Variants in NRF1 observed in about 807,000 individuals in gnomAD.
NRF1 encodes nuclear respiratory factor 1.
NRF1 carries 5 observed loss-of-function variants against 58.5 expected under a neutral mutation model. The observed-to-expected ratio is 0.09, with a 90% CI of 0.04 to 0.18. NRF1 has a LOEUF of 0.18. Ranked by LOEUF, NRF1 falls within the 10% of genes least tolerant of loss-of-function variation. The pLI, the probability that NRF1 is intolerant of heterozygous loss-of-function variation, is 1.00. For synonymous variants in NRF1, 224 were observed against 246.7 expected, an observed-to-expected ratio of 0.91 and a Z score of 0.86; for missense variants, 288 against 657.7, an observed-to-expected ratio of 0.44 and a Z score of 6.15.
chr7:129,626,064 C>T (rs953194755), intron 1 of NRF1, among the ~76,000 whole-genome samples: 3 of 152,158 alleles, frequency 2.0e-5, no homozygotes, highest in African/African-American at 7.2e-5. Context: ...AAGTGATCCT[C>T]CCACCTTGGC....
chr7:129,697,842 C>T (rs1802734752), intron 5 of NRF1, among the ~76,000 whole-genome samples: 2 of 152,098 alleles, frequency 1.3e-5, no homozygotes, highest in Admixed American at 6.5e-5. Context: ...TCAAGCGATT[C>T]TCCTGCCTCA....
intron 1 of NRF1, among the ~76,000 whole-genome samples, chr7:129,635,807 T>A (rs1801158464): frequency 6.6e-6 from 1 of 152,154 alleles, no homozygotes. Context: ...ACTCTGTCTA[T>A]ACACCCCGTT....
intron 5 of NRF1, among the ~76,000 whole-genome samples, chr7:129,704,606 T>G (rs1802908084): frequency 6.6e-6 from 1 of 152,218 alleles, no homozygotes; most frequent in Admixed American, 6.5e-5. Flanking sequence ...TTTGGATTTT[T>G]TTAACATTTG....
chr7:129,665,647 A>G (rs764203932), intron 2 of NRF1, among the ~76,000 whole-genome samples: 58 of 152,254 alleles, frequency 3.8e-4, no homozygotes, highest in Non-Finnish European at 7.4e-4. Context: ...TTTTTGAGAC[A>G]GGGTTTCACT....
chr7:129,717,503 C>T (rs1180133336), intron 9 of NRF1, 127 bp downstream of exon 9: 1 of 1,024,650 alleles, frequency 9.8e-7, no homozygotes, highest in African/African-American at 1.6e-5. Context: ...ACACTCTTGG[C>T]CCATACGATA....
At chr7:129,686,238 T>TTGTA (rs1802441746) in intron 4 of NRF1, among the ~76,000 whole-genome samples, 1 of 151,716 alleles carries the variant, frequency 6.6e-6, no homozygotes, top group South Asian at 2.1e-4. Flanking sequence ...TCCATGGAGG[T>TTGTA]TGTATGCTGG....
chr7:129,754,770 A>G (rs1226340560), intron 10 of NRF1, among the ~76,000 whole-genome samples: 1 of 152,184 alleles, frequency 6.6e-6, no homozygotes, highest in Admixed American at 6.5e-5. Context: ...GTATACATGC[A>G]TTGAAACATC....
At chr7:129,655,337 TATTG>T (rs1801627206) in intron 1 of NRF1, among the ~76,000 whole-genome samples, 1 of 152,206 alleles carries the variant, frequency 6.6e-6, no homozygotes, top group Non-Finnish European at 1.5e-5. Context: ...GAGTTTTTTT[TATTG>T]ATTATTTTGG....
At chr7:129,655,982 C>T (rs1453129123) in intron 1 of NRF1, among the ~76,000 whole-genome samples, 2 of 152,172 alleles carry the variant, frequency 1.3e-5, no homozygotes, top group Non-Finnish European at 2.9e-5. Context: ...GTGTATACCA[C>T]ATTTTTTTTA....
intron 10 of NRF1, among the ~76,000 whole-genome samples, chr7:129,731,392 G>A (rs1264641567): frequency 2.0e-5 from 3 of 151,990 alleles, no homozygotes; most frequent in African/African-American, 7.2e-5. Flanking sequence ...CTTCTTTCTG[G>A]ACATGTACCC....
intron 10 of NRF1, among the ~76,000 whole-genome samples, chr7:129,736,035 AAAT>A (rs1249919121): frequency 6.6e-6 from 1 of 152,102 alleles, no homozygotes; most frequent in African/African-American, 2.4e-5. Flanking sequence ...CAAAATAAAA[AAAT>A]AAAATTATAA....
chr7:129,673,720 A>G (rs1223033914), intron 3 of NRF1, among the ~76,000 whole-genome samples: 1 of 151,292 alleles, frequency 6.6e-6, no homozygotes, highest in African/African-American at 2.4e-5. Context: ...CCGTCTCAAA[A>G]AAAAAAAAAA....
At chr7:129,665,611 TTTGTTG>T (rs576727046) in intron 2 of NRF1, among the ~76,000 whole-genome samples, 4 of 151,908 alleles carry the variant, frequency 2.6e-5, no homozygotes, top group Non-Finnish European at 5.9e-5. Flanking sequence ...CAGTATGTTG[TTTGTTG>T]TTGTTGTTGT....
At chr7:129,724,259 A>G (rs1803399181) in intron 9 of NRF1, among the ~76,000 whole-genome samples, 1 of 152,228 alleles carries the variant, frequency 6.6e-6, no homozygotes, top group Admixed American at 6.5e-5. Context: ...AAATTTCTCC[A>G]GAGAAGATAT....
At chr7:129,680,945 T>C (rs1482688624) in intron 4 of NRF1, among the ~76,000 whole-genome samples, 1 of 152,182 alleles carries the variant, frequency 6.6e-6, no homozygotes, top group East Asian at 1.9e-4. Context: ...ACAAACTAAA[T>C]AATGACCCCC....
intron 10 of NRF1, among the ~76,000 whole-genome samples, chr7:129,736,422 A>G (rs1185757864): frequency 6.6e-6 from 1 of 151,480 alleles, no homozygotes; most frequent in Non-Finnish European, 1.5e-5. Flanking sequence ...AGCCCAGCTA[A>G]TTTTTTAAAT....
intron 10 of NRF1, among the ~76,000 whole-genome samples, chr7:129,728,198 G>T (rs1392624377): frequency 6.6e-6 from 1 of 152,098 alleles, no homozygotes; most frequent in South Asian, 2.1e-4. Context: ...AATACTCCAT[G>T]GCTTTGGGGA....
intron 1 of NRF1, among the ~76,000 whole-genome samples, chr7:129,647,445 C>T (rs2151070832): frequency 6.7e-6 from 1 of 150,124 alleles, no homozygotes; most frequent in Middle Eastern, 3.4e-3. Context: ...CTGTGTTGCC[C>T]AGGCTGGAGT....
At chr7:129,744,074 T>C (rs1476336516) in intron 10 of NRF1, 1 of 1,079,104 alleles carries the variant, frequency 9.3e-7, no homozygotes, top group African/African-American at 1.6e-5. Context: ...CTGCACCAGA[T>C]GTGCATGGGA....
Sources: gnomAD v4.1 joint callset for allele counts (sites outside exome capture counted in the v4.1 genomes callset) on GRCh38, gnomAD v4.1.1 for gene constraint, MANE v1.5 for transcripts, NCBI Gene and HGNC (gene_info 2026-07-23, HGNC 2026-07-21) for gene names.